Variants in MYLK observed in about 807,000 individuals in gnomAD.
MYLK encodes myosin light chain kinase.
Under a neutral mutation model 203.4 loss-of-function variants are expected in MYLK, and 106 were observed. The observed-to-expected ratio is 0.52, with a 90% CI of 0.45 to 0.61. The LOEUF is 0.61. Among genes scored for constraint, MYLK ranks in the 20% least tolerant of loss-of-function variants. The pLI is 0.00. For missense variants in MYLK, 2,072 were observed against 2,442.3 expected (o/e 0.85, Z 3.20); for synonymous variants, 867 against 959.5 (o/e 0.90, Z 1.78).
chr3:123,736,208 G>A lies in MYLK; in HGVS notation c.755-792C>T, dbSNP rs1225327967. On this transcript the variant is annotated intron_variant, in intron 8 of 33. Transcript: ENST00000360304. ...TACCAGCATGCACTGTACACAGTAC[G>A]GTCAGGATGGTTTCCTGAAACTTGT... Among the ~76,000 whole-genome samples the A allele has an allele frequency of 5.9e-5, 9 of 152,274 alleles. No homozygotes were observed. The East Asian group carries it at 9.6e-4, about 16-fold the overall frequency.
At chr3:123,722,644 G>T (rs1482079373) in intron 12 of MYLK, among the ~76,000 whole-genome samples, 1 of 152,178 alleles carries the variant, frequency 6.6e-6, no homozygotes, top group African/African-American at 2.4e-5. Flanking sequence ...CAACTTCACA[G>T]AATTCTGAGC....
intron 20 of MYLK, 122 bp from the exon 21 acceptor site, chr3:123,667,309 A>G (rs891563054): frequency 5.1e-6 from 5 of 984,002 alleles, no homozygotes; most frequent in South Asian, 1.4e-5. Flanking sequence ...TTATTTGAAC[A>G]TGTCTTTTCA....
intron 5 of MYLK, among the ~76,000 whole-genome samples, chr3:123,751,612 T>C (rs986798224): frequency 6.6e-6 from 1 of 152,238 alleles, no homozygotes; most frequent in African/African-American, 2.4e-5. Flanking sequence ...TTTCAGTATC[T>C]ACCATGTGCC....
chr3:123,874,283 T>C (rs1206814483), intron 2 of MYLK, among the ~76,000 whole-genome samples: 2 of 152,190 alleles, frequency 1.3e-5, no homozygotes, highest in Admixed American at 6.5e-5. Context: ...CAGTGTGGTA[T>C]TGTTGAAAGA....
Position 123,614,230 on chromosome 3 carries a change from C to T in MYLK, c.5620G>A (p.Gly1874Arg), listed in dbSNP as rs532767014. The T allele has an allele frequency of 1.1e-5, 18 of 1,614,038 alleles. No homozygotes were observed. The highest frequency in any genetic ancestry group is 2.2e-5 in the South Asian group (2 of 91,080). ...CAGGTGTACTTGGCATCGTCATCCCCGCAAACATCACTAATAATTAAAGAG... is the reference window on the plus strand; with the variant it reads ...CAGGTGTACTTGGCATCGTCATCCCTGCAAACATCACTAATAATTAAAGAG... ...NCSLIISDVCGDDDAKYTCKA... is the reference protein window; with the variant it reads ...NCSLIISDVCRDDDAKYTCKA... Residue 1874 changes from glycine to arginine, a missense_variant, in exon 34 of 34, where the codon GGG (glycine) becomes AGG (arginine). Gly to Arg is a moderately radical substitution (Grantham distance 125). This residue lies in a region of MYLK where 524 missense variants were observed against 782.4 expected (regional missense o/e 0.67). Coordinates refer to ENST00000360304, the MANE Select transcript of MYLK (RefSeq NM_053025.4).
intron 11 of MYLK, among the ~76,000 whole-genome samples, chr3:123,731,124 G>A (rs2062460520): frequency 6.6e-6 from 1 of 152,152 alleles, no homozygotes; most frequent in African/African-American, 2.4e-5. Flanking sequence ...CCTGCGCAGG[G>A]ATAGAGACCT....
At position 123,692,859 on chromosome 3, in the gene MYLK, G is replaced by A. The variant is rs772085888; in HGVS notation, c.3449-8C>T. On this transcript the variant is annotated splice_region_variant and splice_polypyrimidine_tract_variant and intron_variant, in intron 18 of 33. Coordinates refer to ENST00000360304, the MANE Select transcript of MYLK (RefSeq NM_053025.4). ...AGACGGAGCAGAGTGAGCCTGGGGA[G>A]GAAGAATTGTGGAGTGAACCAGGTG... 2.0e-5 allele frequency: 32 copies of A among 1,611,012 alleles called. No homozygotes were observed. Among genetic ancestry groups the A allele is most frequent in the African/African-American group, 9.3e-5 (7 of 74,880 alleles).
At chr3:123,762,935 C>A (rs2063582004) in intron 4 of MYLK, among the ~76,000 whole-genome samples, 1 of 152,180 alleles carries the variant, frequency 6.6e-6, no homozygotes, top group Non-Finnish European at 1.5e-5. Flanking sequence ...TATAGCAGCA[C>A]AAACTTTAAA....
At chr3:123,745,867 C>T (rs1308764477) in intron 5 of MYLK, among the ~76,000 whole-genome samples, 3 of 151,764 alleles carry the variant, frequency 2.0e-5, no homozygotes, top group African/African-American at 4.8e-5. Context: ...TTATTTTTTA[C>T]GTATTTTTGA....
intron 29 of MYLK, among the ~76,000 whole-genome samples, chr3:123,636,646 C>T (rs1453138689): frequency 1.3e-5 from 2 of 152,226 alleles, no homozygotes; most frequent in Non-Finnish European, 2.9e-5. Flanking sequence ...GCCCCCTACC[C>T]TGCTGTTCCT....
intron 33 of MYLK, chr3:123,617,292 T>C (rs2057555718): frequency 6.6e-6 from 1 of 152,246 alleles, no homozygotes. Flanking sequence ...CATTATGTTA[T>C]TTTAAAACAT....
intron 3 of MYLK, among the ~76,000 whole-genome samples, chr3:123,810,524 T>A (rs2065522480): frequency 6.6e-6 from 1 of 152,166 alleles, no homozygotes; most frequent in African/African-American, 2.4e-5. Flanking sequence ...CTCAATAGAA[T>A]ACAAAATGAG....
intron 16 of MYLK, among the ~76,000 whole-genome samples, chr3:123,704,116 TG>T (rs1385640072): frequency 6.6e-6 from 1 of 152,196 alleles, no homozygotes; most frequent in Non-Finnish European, 1.5e-5. Flanking sequence ...CCTTACCCTG[TG>T]GCCCCCAGCA....
At chr3:123,772,517 A>G (rs1281620473) in intron 4 of MYLK, among the ~76,000 whole-genome samples, 1 of 152,140 alleles carries the variant, frequency 6.6e-6, no homozygotes, top group Non-Finnish European at 1.5e-5. Context: ...TAGAGATTCC[A>G]GGCATGACAC....
At chr3:123,872,522 AC>A (rs1351395729) in intron 2 of MYLK, among the ~76,000 whole-genome samples, 1 of 152,068 alleles carries the variant, frequency 6.6e-6, no homozygotes, top group African/African-American at 2.4e-5. Flanking sequence ...TGACCAACCG[AC>A]GATAAGTTAG....
chr3:123,681,997 C>G (rs2060281975), intron 20 of MYLK: 4 of 604,798 alleles, frequency 6.6e-6, no homozygotes, highest in Non-Finnish European at 1.2e-5. Flanking sequence ...GCAACACCAC[C>G]CAGGCTGGAG....
At chr3:123,737,639 G>A in intron 7 of MYLK, 96 bp from the exon 8 acceptor site, 1 of 1,525,456 alleles carries the variant, frequency 6.6e-7, no homozygotes, top group Non-Finnish European at 9.0e-7. Context: ...ATAGACTCCA[G>A]GGCCTGGGCA....
At chr3:123,879,736 G>A (rs1438503897) in intron 1 of MYLK, among the ~76,000 whole-genome samples, 1 of 152,186 alleles carries the variant, frequency 6.6e-6, no homozygotes, top group Non-Finnish European at 1.5e-5. Context: ...CTGGGTTCAT[G>A]CCATTCTCCT....
At chr3:123,708,137 T>C (rs7641248) in intron 15 of MYLK, 134 bp from the exon 16 acceptor site, 194,147 of 1,284,250 alleles carry the variant, frequency 0.15, 20,436 homozygotes, top group East Asian at 0.55. Context: ...ATCACTGTGA[T>C]TGGATACACA....
Sources: gnomAD v4.1 joint callset for allele counts (sites outside exome capture counted in the v4.1 genomes callset) on GRCh38, gnomAD v4.1.1 for gene constraint, gnomAD v4.1.1 regional missense constraint, MANE v1.5 for transcripts, NCBI Gene and HGNC (gene_info 2026-07-23, HGNC 2026-07-21) for gene names.